Variants in PLCB1 observed in about 807,000 individuals in gnomAD.
PLCB1 encodes phospholipase C beta 1, also known as 1-phosphatidylinositol 4,5-bisphosphate phosphodiesterase beta-1.
Under a neutral mutation model 161.8 loss-of-function variants are expected in PLCB1, and 46 were observed. That is an observed-to-expected ratio of 0.28 (90% CI 0.22 to 0.36). The LOEUF (loss-of-function observed/expected upper bound fraction) is 0.36, where lower values mean the gene tolerates loss of function less well. Among genes scored for constraint, PLCB1 ranks in the 10% least tolerant of loss-of-function variants. PLCB1 has a pLI of 1.00. For synonymous variants in PLCB1, 517 were observed against 503.7 expected (o/e 1.03, Z -0.35); for missense variants, 1,016 against 1,472.5 (o/e 0.69, Z 5.07).
intron 2 of PLCB1, among the ~76,000 whole-genome samples, chr20:8,179,142 T>A (rs181714965): frequency 2.6e-5 from 4 of 152,322 alleles, no homozygotes; most frequent in African/African-American, 9.6e-5. Flanking sequence ...ATATGAATTT[T>A]AGAATATTTT....
intron 3 of PLCB1, among the ~76,000 whole-genome samples, chr20:8,561,474 A>G (rs558640330): frequency 6.6e-6 from 1 of 152,010 alleles, no homozygotes; most frequent in South Asian, 2.1e-4. Context: ...CATGCACTGG[A>G]GAGTTGAAAC....
chr20:8,222,479 T>C (rs1346767343), intron 2 of PLCB1, among the ~76,000 whole-genome samples: 1 of 152,170 alleles, frequency 6.6e-6, no homozygotes, highest in East Asian at 1.9e-4. Context: ...ATATTTTGTA[T>C]TACTCTAGTG....
intron 2 of PLCB1, among the ~76,000 whole-genome samples, chr20:8,351,346 G>A (rs371846720): frequency 1.1e-4 from 17 of 151,952 alleles, no homozygotes; most frequent in Admixed American, 3.3e-4. Flanking sequence ...AACTCAAAAT[G>A]AGTCATAGAC....
chr20:8,617,642 G>A (rs142647869), intron 3 of PLCB1, among the ~76,000 whole-genome samples: 19 of 152,058 alleles, frequency 1.2e-4, no homozygotes, highest in Non-Finnish European at 2.4e-4. Flanking sequence ...AACATTTACC[G>A]GCATACCACA....
intron 9 of PLCB1, among the ~76,000 whole-genome samples, chr20:8,684,033 G>A (rs935629965): frequency 3.3e-5 from 5 of 149,388 alleles, no homozygotes; most frequent in Non-Finnish European, 5.9e-5. Context: ...GCAGGCACCC[G>A]CCACCACACC....
At chr20:8,711,877 C>T (rs1979036234) in intron 12 of PLCB1, among the ~76,000 whole-genome samples, 1 of 152,182 alleles carries the variant, frequency 6.6e-6, no homozygotes, top group Admixed American at 6.5e-5. Flanking sequence ...ACCAGCAAGA[C>T]ATCTGACACC....
At chr20:8,328,904 G>A (rs1985259199) in intron 2 of PLCB1, among the ~76,000 whole-genome samples, 1 of 152,172 alleles carries the variant, frequency 6.6e-6, no homozygotes, top group Non-Finnish European at 1.5e-5. Context: ...GTGTGTGTGA[G>A]ACCCTGTGCT....
chr20:8,348,980 A>G (rs1986086997), intron 2 of PLCB1, among the ~76,000 whole-genome samples: 1 of 152,184 alleles, frequency 6.6e-6, no homozygotes, highest in Non-Finnish European at 1.5e-5. Flanking sequence ...AAAAAGGTAT[A>G]TGCATATATT....
intron 31 of PLCB1, chr20:8,880,750 T>TA (rs1568635194): frequency 1.3e-5 from 2 of 152,274 alleles, no homozygotes; most frequent in Non-Finnish European, 2.9e-5. Flanking sequence ...AACGCTCACC[T>TA]ATCAATATTT....
intron 21 of PLCB1, 145 bp downstream of exon 21, chr20:8,739,505 G>A (rs1028880937): frequency 1.6e-6 from 1 of 617,924 alleles, no homozygotes. Context: ...TTAGTTACAT[G>A]TTTTTGTGAC....
chr20:8,195,616 T>C (rs950256957), intron 2 of PLCB1, among the ~76,000 whole-genome samples: 1 of 152,090 alleles, frequency 6.6e-6, no homozygotes, highest in Non-Finnish European at 1.5e-5. Flanking sequence ...AATTCAAACA[T>C]TACCCATTTG....
chr20:8,729,827 T>C (rs1379127276), intron 18 of PLCB1: 2 of 152,000 alleles, frequency 1.3e-5, no homozygotes, highest in African/African-American at 4.8e-5. Context: ...CCAAATTGTC[T>C]GTAAAAAATG....
chr20:8,736,346 G>A (rs546373555), intron 19 of PLCB1, among the ~76,000 whole-genome samples: 3 of 152,268 alleles, frequency 2.0e-5, no homozygotes, highest in South Asian at 2.1e-4. Flanking sequence ...CATTAGTTCT[G>A]TAGCTAGACA....
intron 2 of PLCB1, among the ~76,000 whole-genome samples, chr20:8,153,475 A>G (rs546920574): frequency 2.6e-5 from 4 of 152,158 alleles, no homozygotes; most frequent in Non-Finnish European, 5.9e-5. Flanking sequence ...ACATTAGGCT[A>G]TAACTTTTCT....
intron 2 of PLCB1, among the ~76,000 whole-genome samples, chr20:8,325,997 A>C (rs1985137950): frequency 6.6e-6 from 1 of 152,206 alleles, no homozygotes; most frequent in Non-Finnish European, 1.5e-5. Context: ...ATCTGTATGA[A>C]GCTACAAGTA....
chr20:8,493,344 A>G (rs1411447449), intron 3 of PLCB1, among the ~76,000 whole-genome samples: 1 of 152,232 alleles, frequency 6.6e-6, no homozygotes, highest in Non-Finnish European at 1.5e-5. Context: ...TTAGAGCAAA[A>G]GCAAATCTAT....
In PLCB1 at chr20:8,396,775, C is replaced by T. The variant is rs368103780; in HGVS notation, c.246+25325C>T. On this transcript the variant is annotated intron_variant, in intron 3 of 31. Transcript: ENST00000338037. Reference sequence around the variant, plus strand: ...CTGTGTTCATCTATATATTTGCATACGTAACATATTAAAGTTTTCTCATCT... The same window carrying T: ...CTGTGTTCATCTATATATTTGCATATGTAACATATTAAAGTTTTCTCATCT... Among the ~76,000 whole-genome samples, 9 of 152,072 alleles carry T rather than the reference C, an allele frequency of 5.9e-5. No individual in the cohort carries two copies. The East Asian group carries it at 9.7e-4, about 16-fold the overall frequency.
At chr20:8,734,506 A>G (rs1980479092) in intron 19 of PLCB1, among the ~76,000 whole-genome samples, 1 of 151,948 alleles carries the variant, frequency 6.6e-6, no homozygotes. Context: ...ATTAAATAAA[A>G]GAGTTGCTTT....
intron 2 of PLCB1, among the ~76,000 whole-genome samples, chr20:8,299,601 T>C (rs921790121): frequency 3.4e-4 from 51 of 152,226 alleles, no homozygotes; most frequent in Non-Finnish European, 1.5e-5. Context: ...TACATGTTTC[T>C]CATGCACCCT....
Sources: gnomAD v4.1 joint callset for allele counts (sites outside exome capture counted in the v4.1 genomes callset) on GRCh38, gnomAD v4.1.1 for gene constraint, MANE v1.5 for transcripts, NCBI Gene and HGNC (gene_info 2026-07-23, HGNC 2026-07-21) for gene names.